Variants in FNIP2 observed in about 807,000 individuals in gnomAD.
FNIP2 encodes the protein folliculin interacting protein 2.
Under a neutral mutation model 108.7 loss-of-function variants are expected in FNIP2, and 32 were observed. The ratio of observed to expected loss-of-function variants is 0.29; its 90% CI spans 0.22 to 0.40. The LOEUF (loss-of-function observed/expected upper bound fraction) is 0.40, where lower values mean the gene tolerates loss of function less well. Among genes scored for constraint, FNIP2 ranks in the 10% least tolerant of loss-of-function variants. The pLI, the probability that FNIP2 is intolerant of heterozygous loss-of-function variation, is 1.00. For synonymous variants in FNIP2, 480 were observed against 496.7 expected (o/e 0.97, Z 0.45); for missense variants, 1,202 against 1,381.6 (o/e 0.87, Z 2.06).
intron 1 of FNIP2, among the ~76,000 whole-genome samples, chr4:158,800,788 T>G (rs933983773): frequency 2.6e-5 from 4 of 152,226 alleles, no homozygotes; most frequent in African/African-American, 9.6e-5. Context: ...TATACAATTT[T>G]TATCCCATTC....
intron 16 of FNIP2, among the ~76,000 whole-genome samples, chr4:158,898,820 CTTTA>C (rs1782933213): frequency 6.6e-6 from 1 of 152,146 alleles, no homozygotes; most frequent in Non-Finnish European, 1.5e-5. Flanking sequence ...TTTGAATACG[CTTTA>C]TTTCTTTCTC....
chr4:158,870,779 C>T (rs1246822092), intron 14 of FNIP2, among the ~76,000 whole-genome samples: 1 of 152,234 alleles, frequency 6.6e-6, no homozygotes, highest in Non-Finnish European at 1.5e-5. Context: ...CCTGCCATCC[C>T]TCCTCCCATT....
chr4:158,846,196 C>T (rs908359484), intron 7 of FNIP2, among the ~76,000 whole-genome samples: 2 of 151,996 alleles, frequency 1.3e-5, no homozygotes, highest in Non-Finnish European at 2.9e-5. Context: ...TCAGATTTTT[C>T]TTTGATCTGC....
At chr4:158,871,689 C>A (rs1447659277) in intron 14 of FNIP2, 5 of 985,212 alleles carry the variant, frequency 5.1e-6, no homozygotes, top group Non-Finnish European at 6.0e-6. Flanking sequence ...CACATGCCAC[C>A]CCTCACCAGG....
chr4:158,844,326 A>AT (rs1245917213), intron 7 of FNIP2, among the ~76,000 whole-genome samples: 1 of 151,988 alleles, frequency 6.6e-6, no homozygotes, highest in Admixed American at 6.6e-5. Context: ...GTATGCTTGG[A>AT]TTTTTTTTGG....
chr4:158,806,715 A>G (rs1776983223), intron 1 of FNIP2, among the ~76,000 whole-genome samples: 1 of 152,180 alleles, frequency 6.6e-6, no homozygotes, highest in Non-Finnish European at 1.5e-5. Context: ...TTGTCCCATG[A>G]AGCTTGGATG....
At chr4:158,843,540 A>G (rs370385259) in intron 7 of FNIP2, among the ~76,000 whole-genome samples, 3 of 152,368 alleles carry the variant, frequency 2.0e-5, no homozygotes, top group East Asian at 3.9e-4. Flanking sequence ...ATAATAGACA[A>G]TAAAATGTAG....
At position 158,906,691 on chromosome 4, in the gene FNIP2, A is replaced by G. The variant is rs1729871388; in HGVS notation, c.*2147A>G. ...GGATTCCAGTCAGAACCTAATCCTC[A>G]TATCTATTGCCTACAAAAATAGACC... On this transcript the variant is annotated 3_prime_UTR_variant, in exon 17 of 17. Coordinates refer to ENST00000264433, the MANE Select transcript of FNIP2 (RefSeq NM_020840.3). 1 of 152,184 alleles carries G rather than the reference A, an allele frequency of 6.6e-6. No individual in the cohort carries two copies. The allele number at this position is 152,184 out of a possible 1,614,324, so 9.4% of individuals were successfully genotyped here. A position where few individuals can be genotyped will look rare whatever the true frequency, so the allele number is the denominator to read the frequency against.
chr4:158,785,694 T>C (rs1243594911), intron 1 of FNIP2, among the ~76,000 whole-genome samples: 1 of 144,240 alleles, frequency 6.9e-6, no homozygotes, highest in East Asian at 1.9e-4. Flanking sequence ...TCTTTCTTTT[T>C]TCTTTTTCTT....
chr4:158,861,711 G>C lies in FNIP2; in HGVS notation c.1400G>C (p.Arg467Pro). Residue 467 changes from arginine (R) to proline (P), a missense_variant, in exon 12 of 17, where the codon CGT becomes CCT. Arg to Pro is a moderately radical substitution (Grantham distance 103). This residue lies in a region of FNIP2 where 878 missense variants were observed against 990.3 expected (regional missense o/e 0.89). Transcript: ENST00000264433. ...HPPIKAFSEK[R>P]TSQSVNMLAK... ...CCCATCAAAGCCTTCTCAGAGAAACGTACCTCCCAGTCAGTGAACATGCTG... is the reference window on the plus strand; with the variant it reads ...CCCATCAAAGCCTTCTCAGAGAAACCTACCTCCCAGTCAGTGAACATGCTG... 4 of 1,613,978 alleles carry C rather than the reference G, an allele frequency of 2.5e-6. No individual in the cohort carries two copies. The highest frequency in any genetic ancestry group is 3.4e-6 in the Non-Finnish European group (4 of 1,179,896).
chr4:158,807,255 T>C (rs1777019668), intron 1 of FNIP2, among the ~76,000 whole-genome samples: 1 of 152,142 alleles, frequency 6.6e-6, no homozygotes, highest in Non-Finnish European at 1.5e-5. Context: ...CCAAACACTT[T>C]GGGAAGCTGA....
At chr4:158,773,979 C>T (rs1247729005) in intron 1 of FNIP2, among the ~76,000 whole-genome samples, 1 of 152,002 alleles carries the variant, frequency 6.6e-6, no homozygotes, top group Non-Finnish European at 1.5e-5. Flanking sequence ...GGATGACATT[C>T]TATAGCATCC....
At chr4:158,848,824 T>C (rs926532593) in intron 7 of FNIP2, among the ~76,000 whole-genome samples, 1 of 152,148 alleles carries the variant, frequency 6.6e-6, no homozygotes, top group Non-Finnish European at 1.5e-5. Flanking sequence ...AAAAATGCAA[T>C]TGTCATACTG....
At chr4:158,833,826 A>G (rs578215986) in intron 6 of FNIP2, 198 bp downstream of exon 6, 318 of 1,509,384 alleles carry the variant, frequency 2.1e-4, no homozygotes, top group Non-Finnish European at 2.7e-4. Context: ...GCAGCAGCAA[A>G]CTGCTGCAGG....
intron 16 of FNIP2, among the ~76,000 whole-genome samples, chr4:158,901,664 T>G (rs1729285138): frequency 6.6e-6 from 1 of 152,076 alleles, no homozygotes; most frequent in Non-Finnish European, 1.5e-5. Context: ...TAGTCTCATA[T>G]TTCTTGGAGG....
At chr4:158,851,051 T>G (rs2126650156) in intron 7 of FNIP2, among the ~76,000 whole-genome samples, 1 of 152,302 alleles carries the variant, frequency 6.6e-6, no homozygotes, top group East Asian at 1.9e-4. Context: ...AATTTTAGAT[T>G]ACTTGGCATA....
At chr4:158,849,979 C>T (rs1053676750) in intron 7 of FNIP2, among the ~76,000 whole-genome samples, 11 of 152,160 alleles carry the variant, frequency 7.2e-5, no homozygotes, top group African/African-American at 2.4e-4. Context: ...TGGAAAGAAA[C>T]TTGAGTCATC....
rs1729744197 is a variant in FNIP2 at position 158,905,408 on chromosome 4, TTGG to T, written c.*866_*868del. 6.6e-6 allele frequency: 1 copy of T among 152,182 alleles called. No homozygotes were observed. The highest frequency in any genetic ancestry group is 2.4e-5 in the African/African-American group (1 of 41,438). The allele number at this position is 152,182 out of a possible 1,614,324, so 9.4% of individuals were successfully genotyped here. On this transcript the variant is annotated 3_prime_UTR_variant, in exon 17 of 17. Coordinates refer to ENST00000264433, the MANE Select transcript of FNIP2 (RefSeq NM_020840.3). ...TTCTATAAGCTCAAGAGTGTTTCGGTTGGTAAGTTCTTCCAGCTGAAGCCACTT... is the reference window on the plus strand; with the variant it reads ...TTCTATAAGCTCAAGAGTGTTTCGGTTAAGTTCTTCCAGCTGAAGCCACTT...
intron 14 of FNIP2, among the ~76,000 whole-genome samples, chr4:158,888,343 A>T (rs775588270): frequency 6.6e-6 from 1 of 152,202 alleles, no homozygotes; most frequent in Non-Finnish European, 1.5e-5. Context: ...CATAAAAGTC[A>T]GCAATCCATG....
Sources: gnomAD v4.1 joint callset for allele counts (sites outside exome capture counted in the v4.1 genomes callset) on GRCh38, gnomAD v4.1.1 for gene constraint, gnomAD v4.1.1 regional missense constraint, MANE v1.5 for transcripts, NCBI Gene and HGNC (gene_info 2026-07-23, HGNC 2026-07-21) for gene names.